Variants in IRAK2 observed in about 807,000 individuals in gnomAD.
IRAK2 encodes the protein interleukin 1 receptor associated kinase 2.
IRAK2 carries 57 observed loss-of-function variants against 72.0 expected under a neutral mutation model. That is an observed-to-expected ratio of 0.79 (90% CI 0.64 to 0.99). IRAK2 has a LOEUF of 0.99. Ranked by LOEUF, IRAK2 falls within the 50% of genes least tolerant of loss-of-function variation. The probability of loss-of-function intolerance (pLI) is 0.00; values close to 1 mark genes in which losing one functional copy is unlikely to be tolerated. For missense variants in IRAK2, 790 were observed against 794.4 expected, an observed-to-expected ratio of 0.99 and a Z score of 0.07; for synonymous variants, 293 against 312.7, an observed-to-expected ratio of 0.94 and a Z score of 0.67.
intron 4 of IRAK2, among the ~76,000 whole-genome samples, chr3:10,212,466 A>T (rs1207844138): frequency 1.3e-5 from 2 of 152,094 alleles, no homozygotes; most frequent in African/African-American, 4.8e-5. Context: ...GAACCCCAGT[A>T]TCTATGCTGT....
At chr3:10,235,460 G>T (rs1248160374) in intron 11 of IRAK2, among the ~76,000 whole-genome samples, 2 of 152,206 alleles carry the variant, frequency 1.3e-5, no homozygotes, top group Middle Eastern at 3.4e-3. Context: ...GCTCTGTCCG[G>T]CCTTGCTTGG....
At chr3:10,201,427 T>G (rs955540485) in intron 3 of IRAK2, among the ~76,000 whole-genome samples, 3 of 152,190 alleles carry the variant, frequency 2.0e-5, no homozygotes, top group African/African-American at 7.2e-5. Context: ...AATTGAGGGG[T>G]GCTTCCTGCC....
At chr3:10,236,760 A>G (rs115267786) in intron 11 of IRAK2, among the ~76,000 whole-genome samples, 215 of 152,180 alleles carry the variant, frequency 1.4e-3, no homozygotes, top group Non-Finnish European at 2.2e-3. Flanking sequence ...TATTCATTCC[A>G]TTATTTTGTT....
intron 9 of IRAK2, among the ~76,000 whole-genome samples, chr3:10,224,156 G>A (rs1343896175): frequency 6.6e-6 from 1 of 152,102 alleles, no homozygotes; most frequent in Non-Finnish European, 1.5e-5. Flanking sequence ...GGCCAACATG[G>A]TGAAACCCCG....
chr3:10,225,121 CTG>C (rs1697754286), intron 9 of IRAK2, among the ~76,000 whole-genome samples: 1 of 152,106 alleles, frequency 6.6e-6, no homozygotes, highest in Non-Finnish European at 1.5e-5. Flanking sequence ...CACTGCCAGT[CTG>C]TTATTAATCC....
At chr3:10,180,590 G>A (rs1267370583) in intron 2 of IRAK2, among the ~76,000 whole-genome samples, 2 of 152,082 alleles carry the variant, frequency 1.3e-5, no homozygotes, top group East Asian at 3.9e-4. Context: ...CTGGGGAGGA[G>A]CTGTCCTGTC....
chr3:10,224,308 G>C lies in IRAK2; in HGVS notation c.1209+1477G>C, dbSNP rs1697737921. On this transcript the variant is annotated intron_variant, in intron 9 of 12. Coordinates refer to ENST00000256458, the MANE Select transcript of IRAK2 (RefSeq NM_001570.4). The stretch of plus-strand genomic sequence containing the variant: ...GCCGAGATCGCGCCATTGCACTCCA[G>C]CCTGGGCAACAGAGCAAGATTCTGT... Among the ~76,000 whole-genome samples the C allele has an allele frequency of 4.7e-5, 7 of 149,190 alleles. No individual in the cohort carries two copies. The South Asian group carries it at 1.5e-3, about 32-fold the overall frequency.
chr3:10,196,461 G>A (rs951042251), intron 2 of IRAK2, among the ~76,000 whole-genome samples: 5 of 152,238 alleles, frequency 3.3e-5, no homozygotes, highest in Non-Finnish European at 4.4e-5. Context: ...GCAGTGGGAT[G>A]CCATGAGGCA....
intron 6 of IRAK2, among the ~76,000 whole-genome samples, chr3:10,216,495 G>C (rs1420773956): frequency 6.6e-6 from 1 of 152,126 alleles, no homozygotes; most frequent in Non-Finnish European, 1.5e-5. Flanking sequence ...TTAGTGAAAA[G>C]GGCCAGGAAA....
chr3:10,231,512 C>G (rs973928800), intron 10 of IRAK2, among the ~76,000 whole-genome samples: 2 of 151,952 alleles, frequency 1.3e-5, no homozygotes, highest in African/African-American at 4.8e-5. Flanking sequence ...AGGCTGGTCT[C>G]GAACTCCTGA....
At position 10,197,984 on chromosome 3, in the gene IRAK2, C is replaced by T. The variant is rs562437594; in HGVS notation, c.278-2385C>T. On this transcript the variant is annotated intron_variant, in intron 2 of 12. Coordinates refer to ENST00000256458, the MANE Select transcript of IRAK2 (RefSeq NM_001570.4). ...GGAGGCTGAGGAGGGCGGATCATGA[C>T]GTCAGGAGATCGAGACCATCCTGGC... Among the ~76,000 whole-genome samples the T allele has an allele frequency of 4.8e-5, 7 of 147,122 alleles. 1 individual carries two copies. In the South Asian group the frequency reaches 6.5e-4, roughly 14 times the overall value.
intron 2 of IRAK2, among the ~76,000 whole-genome samples, chr3:10,193,860 C>T (rs1697222013): frequency 6.6e-6 from 1 of 152,258 alleles, no homozygotes; most frequent in Non-Finnish European, 1.5e-5. Context: ...TCCTATGTTA[C>T]TTTGCTCTCA....
At chr3:10,234,977 A>G (rs1258291945) in intron 11 of IRAK2, among the ~76,000 whole-genome samples, 1 of 152,162 alleles carries the variant, frequency 6.6e-6, no homozygotes, top group Non-Finnish European at 1.5e-5. Flanking sequence ...TCTGGAGGGA[A>G]CGGCTCTGCC....
At chr3:10,182,516 C>G (rs989911743) in intron 2 of IRAK2, among the ~76,000 whole-genome samples, 4 of 148,464 alleles carry the variant, frequency 2.7e-5, no homozygotes, top group African/African-American at 9.9e-5. Flanking sequence ...CTCCTGACCA[C>G]GTGATCCGCC....
intron 2 of IRAK2, among the ~76,000 whole-genome samples, chr3:10,195,452 TAA>T (rs1697248381): frequency 6.6e-6 from 1 of 151,184 alleles, no homozygotes; most frequent in African/African-American, 2.4e-5. Context: ...CATGGGAGGC[TAA>T]GAGAGGAGGA....
chr3:10,228,586 T>G (rs1697815174), intron 10 of IRAK2, among the ~76,000 whole-genome samples: 2 of 152,218 alleles, frequency 1.3e-5, no homozygotes, highest in South Asian at 2.1e-4. Flanking sequence ...TGCTAATGAT[T>G]TCTAAAAATG....
intron 7 of IRAK2, among the ~76,000 whole-genome samples, chr3:10,217,251 T>C (rs762362150): frequency 2.0e-5 from 3 of 152,132 alleles, no homozygotes; most frequent in Admixed American, 6.5e-5. Flanking sequence ...ATTGGAACGA[T>C]ACAGAGAAGA....
chr3:10,180,170 G>A (rs915479957), intron 2 of IRAK2, among the ~76,000 whole-genome samples: 20 of 152,096 alleles, frequency 1.3e-4, no homozygotes, highest in African/African-American at 4.8e-4. Context: ...AAGGCAGTGG[G>A]GATGGGGGGT....
chr3:10,240,415 C>G (rs1438927016), intron 12 of IRAK2, among the ~76,000 whole-genome samples: 1 of 150,874 alleles, frequency 6.6e-6, no homozygotes, highest in Non-Finnish European at 1.5e-5. Flanking sequence ...CGAGATTGCA[C>G]CACTGCACTC....
Sources: gnomAD v4.1 joint callset for allele counts (sites outside exome capture counted in the v4.1 genomes callset) on GRCh38, gnomAD v4.1.1 for gene constraint, MANE v1.5 for transcripts, NCBI Gene and HGNC (gene_info 2026-07-23, HGNC 2026-07-21) for gene names.